NDUFA10: variants seen among roughly 807,000 people sequenced by gnomAD.
The protein encoded by NDUFA10 is NADH dehydrogenase [ubiquinone] 1 alpha subcomplex subunit 10, mitochondrial.
In NDUFA10, 40 loss-of-function variants were observed where a neutral mutation model predicts 47.8. The observed-to-expected ratio is 0.84, with a 90% CI of 0.65 to 1.09. The LOEUF (loss-of-function observed/expected upper bound fraction) is 1.09, where lower values mean the gene tolerates loss of function less well. NDUFA10 is among the 50% of genes least tolerant of loss of function. The pLI is 0.00. For synonymous variants in NDUFA10, 183 were observed against 172.2 expected (o/e 1.06, Z -0.49); for missense variants, 413 against 451.1 (o/e 0.92, Z 0.76).
At chr2:239,916,029 C>T (rs1693866550) in intron 4 of NDUFA10, among the ~76,000 whole-genome samples, 3 of 121,494 alleles carry the variant, frequency 2.5e-5, no homozygotes, top group Admixed American at 2.4e-4. Context: ...TAGAGAGACA[C>T]ACAGAGATAC....
intron 4 of NDUFA10, among the ~76,000 whole-genome samples, chr2:239,916,089 TAC>T (rs746294750): frequency 1.6e-5 from 2 of 127,522 alleles, no homozygotes; most frequent in Non-Finnish European, 3.3e-5. Context: ...AAGATACAGA[TAC>T]ACACAGAGAG....
At chr2:239,980,410 C>G (rs908294929) in intron 9 of NDUFA10, among the ~76,000 whole-genome samples, 1 of 152,170 alleles carries the variant, frequency 6.6e-6, no homozygotes, top group African/African-American at 2.4e-5. Flanking sequence ...AATTAAAAGG[C>G]AAGAATTCTT....
intron 4 of NDUFA10, among the ~76,000 whole-genome samples, chr2:239,930,544 C>T (rs188234651): frequency 1.6e-4 from 24 of 152,094 alleles, no homozygotes; most frequent in African/African-American, 5.1e-4. Flanking sequence ...CCCCGCTGTC[C>T]GCAGCCTCTG....
At chr2:239,971,015 C>G (rs1280092680) in intron 9 of NDUFA10, among the ~76,000 whole-genome samples, 1 of 152,214 alleles carries the variant, frequency 6.6e-6, no homozygotes, top group Non-Finnish European at 1.5e-5. Context: ...ACAAGCTTCT[C>G]TGTGTCATTA....
intron 4 of NDUFA10, among the ~76,000 whole-genome samples, chr2:239,949,098 G>A (rs527970454): frequency 1.5e-4 from 23 of 152,308 alleles, no homozygotes; most frequent in Non-Finnish European, 2.5e-4. Flanking sequence ...TGGGACGGAC[G>A]TATGAGAGCT....
chr2:239,962,853 T>C (rs1034893497), intron 9 of NDUFA10, among the ~76,000 whole-genome samples: 1 of 151,982 alleles, frequency 6.6e-6, no homozygotes, highest in Non-Finnish European at 1.5e-5. Flanking sequence ...AGCTGCCATA[T>C]ACTTTAAAAT....
At chr2:239,936,564 G>C (rs1043704308) in intron 4 of NDUFA10, among the ~76,000 whole-genome samples, 4 of 152,232 alleles carry the variant, frequency 2.6e-5, no homozygotes, top group Non-Finnish European at 5.9e-5. Context: ...GGGACACTCT[G>C]GTGGGGAACA....
chr2:239,952,914 C>T (rs577323442), downstream of NDUFA10, among the ~76,000 whole-genome samples: 67 of 152,358 alleles, frequency 4.4e-4, 1 homozygote, highest in African/African-American at 1.5e-3. Flanking sequence ...AGGCCCATCT[C>T]TGTGGTGGGT....
In NDUFA10 at chr2:239,898,973, A is replaced by G. The variant is rs75778075; in HGVS notation, c.295-3659T>C. Among the ~76,000 whole-genome samples the G allele has an allele frequency of 3.7e-3, 322 of 86,852 alleles. 1 individual carries two copies. The highest frequency in any genetic ancestry group is 0.016 in the Middle Eastern group (2 of 124). 57.0% of individuals were successfully genotyped at this position (86,852 alleles called of 152,430 possible). A position where few individuals can be genotyped will look rare whatever the true frequency, so the allele number is the denominator to read the frequency against. On this transcript the variant is annotated intron_variant, in intron 4 of 5. Transcript: ENST00000419408. ...TGGAGGGGTGTGGCAGGGTGTGATG[A>G]AGAGGTATGATGGAGAGGTGTGATG...
intron 5 of NDUFA10, chr2:239,895,198 C>T: frequency 2.2e-6 from 1 of 453,106 alleles, no homozygotes; most frequent in Admixed American, 2.5e-5. Flanking sequence ...TGCCCCAACT[C>T]ACTTACCTAT....
intron 4 of NDUFA10, among the ~76,000 whole-genome samples, chr2:239,938,232 C>T (rs1390399288): frequency 1.3e-5 from 2 of 152,176 alleles, no homozygotes; most frequent in African/African-American, 4.8e-5. Flanking sequence ...CTCACAGCAC[C>T]GTGATATGGA....
At chr2:239,985,412 T>C (rs1384660302) in intron 9 of NDUFA10, among the ~76,000 whole-genome samples, 2 of 150,300 alleles carry the variant, frequency 1.3e-5, no homozygotes, top group Non-Finnish European at 1.5e-5. Context: ...TAGAACGAGC[T>C]GAAAGGATGA....
At chr2:239,895,443 G>A (rs1693373887) in intron 4 of NDUFA10, 1 of 215,864 alleles carries the variant, frequency 4.6e-6, no homozygotes, top group Admixed American at 5.7e-5. Flanking sequence ...CTTCAAAAGT[G>A]ATAGGTTAGG....
chr2:240,023,053 G>T (rs550537818), intron 1 of NDUFA10, among the ~76,000 whole-genome samples: 1 of 152,216 alleles, frequency 6.6e-6, no homozygotes, highest in Non-Finnish European at 1.5e-5. Context: ...TGCTGACTCT[G>T]TCGGCACCCT....
intron 9 of NDUFA10, among the ~76,000 whole-genome samples, chr2:239,988,307 T>A (rs1696088296): frequency 6.6e-6 from 1 of 152,140 alleles, no homozygotes; most frequent in Non-Finnish European, 1.5e-5. Context: ...GAAAACATCA[T>A]CATGAAAAGG....
At chr2:239,995,627 T>A (rs1321726405) in intron 8 of NDUFA10, among the ~76,000 whole-genome samples, 1 of 152,140 alleles carries the variant, frequency 6.6e-6, no homozygotes, top group East Asian at 1.9e-4. Flanking sequence ...ACTTCTAACA[T>A]GAATGGTCCA....
intron 4 of NDUFA10, among the ~76,000 whole-genome samples, chr2:240,015,069 G>A (rs1330793283): frequency 1.3e-5 from 2 of 152,276 alleles, no homozygotes; most frequent in Non-Finnish European, 2.9e-5. Context: ...TGTGCAGACA[G>A]CAGCTGTGGT....
intron 8 of NDUFA10, among the ~76,000 whole-genome samples, chr2:239,993,804 G>T (rs1696352880): frequency 6.6e-6 from 1 of 152,096 alleles, no homozygotes. Context: ...GAGGATAAGG[G>T]GGTCAGCAGG....
intron 4 of NDUFA10, among the ~76,000 whole-genome samples, chr2:239,919,593 G>A (rs1029241034): frequency 2.0e-5 from 3 of 152,182 alleles, no homozygotes; most frequent in Non-Finnish European, 4.4e-5. Flanking sequence ...TGCAGTGCCC[G>A]CCACTGGGTG....
Sources: gnomAD v4.1 joint callset for allele counts (sites outside exome capture counted in the v4.1 genomes callset) on GRCh38, gnomAD v4.1.1 for gene constraint, MANE v1.5 for transcripts, NCBI Gene and HGNC (gene_info 2026-07-23, HGNC 2026-07-21) for gene names.